CADM2: variants seen among roughly 807,000 people sequenced by gnomAD.
CADM2 encodes immunoglobulin superfamily member 4D.
CADM2 carries 12 observed loss-of-function variants against 49.8 expected under a neutral mutation model. The observed-to-expected ratio is 0.24, with a 90% confidence interval of 0.15 to 0.39. The LOEUF (loss-of-function observed/expected upper bound fraction) is 0.39. Ranked by LOEUF, CADM2 falls within the 10% of genes least tolerant of loss-of-function variation. The probability of loss-of-function intolerance (pLI) is 1.00; values close to 1 mark genes in which losing one functional copy is unlikely to be tolerated. For missense variants in CADM2, 378 were observed against 492.3 expected (o/e 0.77, Z 2.20); for synonymous variants, 214 against 175.4 (o/e 1.22, Z -1.74).
intron 1 of CADM2, among the ~76,000 whole-genome samples, chr3:85,009,865 CAATA>C (rs34806351): frequency 0.17 from 23,721 of 140,494 alleles, 2,455 homozygotes; most frequent in African/African-American, 0.29. Context: ...GATTCTATCT[CAATA>C]AATAAATAAA....
chr3:85,140,377 G>C lies in CADM2; in HGVS notation c.61+180709G>C, dbSNP rs192111557. Among the ~76,000 whole-genome samples the C allele has an allele frequency of 1.4e-4, 22 of 151,782 alleles. 1 individual carries two copies. The highest frequency in any genetic ancestry group is 3.4e-3 in the Middle Eastern group (1 of 294). On this transcript the variant is annotated intron_variant, in intron 1 of 9. Transcript: ENST00000383699. The stretch of plus-strand genomic sequence containing the variant: ...TGGTTTCTTTATTGTGCATTGAGTA[G>C]GTCAAAAAAAGGTAAGAACATTATA...
intron 3 of CADM2, among the ~76,000 whole-genome samples, chr3:85,834,531 A>G (rs1298152585): frequency 6.6e-6 from 1 of 151,624 alleles, no homozygotes; most frequent in Non-Finnish European, 1.5e-5. Flanking sequence ...CAATATATCA[A>G]AATATTCTGA....
At chr3:85,066,541 G>A (rs934424866) in intron 1 of CADM2, among the ~76,000 whole-genome samples, 2 of 150,978 alleles carry the variant, frequency 1.3e-5, no homozygotes, top group South Asian at 2.1e-4. Flanking sequence ...GCACCTGCAC[G>A]CACACACACA....
At chr3:85,500,718 C>T (rs554948808) in intron 1 of CADM2, among the ~76,000 whole-genome samples, 5 of 152,098 alleles carry the variant, frequency 3.3e-5, no homozygotes, top group African/African-American at 9.6e-5. Context: ...GAGGTTTCCC[C>T]GTGTTAGCCA....
intron 1 of CADM2, among the ~76,000 whole-genome samples, chr3:85,619,782 T>A (rs1312780767): frequency 6.6e-6 from 1 of 152,176 alleles, no homozygotes; most frequent in Non-Finnish European, 1.5e-5. Context: ...TTTTTATCTT[T>A]GAGAAAGAAT....
At chr3:85,442,705 C>T (rs1374704354) in intron 1 of CADM2, among the ~76,000 whole-genome samples, 2 of 145,936 alleles carry the variant, frequency 1.4e-5, no homozygotes, top group Non-Finnish European at 3.0e-5. Flanking sequence ...TTTTTGCAGC[C>T]CTTTAAGTGT....
chr3:85,984,758 A>G (rs1429429504), intron 8 of CADM2, among the ~76,000 whole-genome samples: 1 of 151,964 alleles, frequency 6.6e-6, no homozygotes, highest in Non-Finnish European at 1.5e-5. Flanking sequence ...AAGTGTTTAC[A>G]CAATCCATGT....
chr3:85,407,613 T>C (rs927739180), intron 1 of CADM2, among the ~76,000 whole-genome samples: 5 of 152,176 alleles, frequency 3.3e-5, no homozygotes, highest in African/African-American at 1.2e-4. Context: ...TAATGGGTCA[T>C]GATGTTTAAG....
chr3:85,793,661 G>C (rs2071463698), intron 2 of CADM2, among the ~76,000 whole-genome samples: 1 of 152,116 alleles, frequency 6.6e-6, no homozygotes, highest in South Asian at 2.1e-4. Flanking sequence ...ATGCTCTGGA[G>C]CTGGTGTGAG....
chr3:85,232,858 G>A (rs2042325754), intron 1 of CADM2, among the ~76,000 whole-genome samples: 1 of 152,068 alleles, frequency 6.6e-6, no homozygotes, highest in Non-Finnish European at 1.5e-5. Context: ...TCTAAACATA[G>A]GTTTAGTATA....
At chr3:85,000,586 A>C (rs2033413473) in intron 1 of CADM2, among the ~76,000 whole-genome samples, 1 of 152,148 alleles carries the variant, frequency 6.6e-6, no homozygotes. Context: ...AAAGATGAAT[A>C]GGAGAGTCTC....
chr3:85,098,601 C>A (rs1053790904), intron 1 of CADM2, among the ~76,000 whole-genome samples: 8 of 152,060 alleles, frequency 5.3e-5, no homozygotes, highest in Non-Finnish European at 1.2e-4. Flanking sequence ...TATAAAAATT[C>A]TGATATGAAG....
intron 1 of CADM2, among the ~76,000 whole-genome samples, chr3:85,300,838 C>CT (rs2044080615): frequency 6.6e-6 from 1 of 151,882 alleles, no homozygotes; most frequent in Admixed American, 6.6e-5. Context: ...GTGCTTCTTG[C>CT]TTTTTTTCAT....
chr3:85,427,159 A>AATAT (rs2036442780), intron 1 of CADM2, among the ~76,000 whole-genome samples: 3 of 104,424 alleles, frequency 2.9e-5, no homozygotes, highest in South Asian at 3.7e-4. Context: ...ATGTATTGGA[A>AATAT]CTATATATAT....
chr3:85,524,532 T>G (rs1227510370), intron 1 of CADM2, among the ~76,000 whole-genome samples: 1 of 152,154 alleles, frequency 6.6e-6, no homozygotes, highest in Non-Finnish European at 1.5e-5. Flanking sequence ...TCAATAAAAT[T>G]TGTTGTATGG....
At chr3:85,162,915 G>A (rs541466984) in intron 1 of CADM2, among the ~76,000 whole-genome samples, 33 of 151,918 alleles carry the variant, frequency 2.2e-4, no homozygotes, top group Non-Finnish European at 4.4e-4. Flanking sequence ...TATGTATATG[G>A]AGATAGACAT....
intron 8 of CADM2, among the ~76,000 whole-genome samples, chr3:86,007,725 C>A (rs1213795747): frequency 6.6e-6 from 1 of 152,130 alleles, no homozygotes; most frequent in South Asian, 2.1e-4. Context: ...CTAAAGAGTG[C>A]AATACTATCA....
intron 8 of CADM2, chr3:86,014,759 G>A (rs1426591878): frequency 4.0e-6 from 6 of 1,485,140 alleles, no homozygotes; most frequent in Non-Finnish European, 4.5e-6. Flanking sequence ...TCTCAGCCAA[G>A]CTTCACTGTT....
At chr3:85,299,591 T>TCCC (rs1343556647) in intron 1 of CADM2, among the ~76,000 whole-genome samples, 1 of 152,020 alleles carries the variant, frequency 6.6e-6, no homozygotes, top group Non-Finnish European at 1.5e-5. Flanking sequence ...TTTATGTGAA[T>TCCC]CCCCCTTGTG....
Sources: allele counts gnomAD v4.1 joint callset (sites outside exome capture counted in the v4.1 genomes callset), GRCh38; gene constraint gnomAD v4.1.1; transcripts MANE v1.5; gene names NCBI Gene and HGNC (gene_info 2026-07-23, HGNC 2026-07-21).